The following PDE7A variants were observed in gnomAD, a reference collection of about 807,000 sequenced individuals.
The protein encoded by PDE7A is phosphodiesterase 7A.
A neutral mutation model predicts 64.3 loss-of-function variants in PDE7A; 39 were observed. That is an observed-to-expected ratio of 0.61 (90% CI 0.47 to 0.79). The LOEUF (loss-of-function observed/expected upper bound fraction) is 0.79, where lower values mean the gene tolerates loss of function less well. PDE7A is among the 30% of genes least tolerant of loss of function. The probability of loss-of-function intolerance (pLI) is 0.00; values close to 1 mark genes in which losing one functional copy is unlikely to be tolerated. For synonymous variants in PDE7A, 203 were observed against 206.8 expected (o/e 0.98, Z 0.16); for missense variants, 470 against 582.8 (o/e 0.81, Z 1.99).
At chr8:65,782,169 T>C (rs1296240456) in intron 2 of PDE7A, among the ~76,000 whole-genome samples, 2 of 152,226 alleles carry the variant, frequency 1.3e-5, no homozygotes, top group East Asian at 3.8e-4. Flanking sequence ...AATTTGCCTG[T>C]TGGAATCTTA....
intron 1 of PDE7A, among the ~76,000 whole-genome samples, chr8:65,819,366 C>T (rs1810485683): frequency 6.6e-6 from 1 of 152,222 alleles, no homozygotes; most frequent in Admixed American, 6.5e-5. Context: ...CACTGCACTC[C>T]AGCCTGGGTG....
intron 1 of PDE7A, among the ~76,000 whole-genome samples, chr8:65,801,054 G>A (rs1400444765): frequency 6.6e-6 from 1 of 152,080 alleles, no homozygotes; most frequent in African/African-American, 2.4e-5. Flanking sequence ...ATCAACTCAG[G>A]AGGTTGAGGC....
At chr8:65,814,554 A>G (rs527955173) in intron 1 of PDE7A, among the ~76,000 whole-genome samples, 4 of 150,286 alleles carry the variant, frequency 2.7e-5, no homozygotes, top group Non-Finnish European at 4.4e-5. Context: ...ATATGTGTAT[A>G]TATATAATAC....
chr8:65,724,116 G>A, intron 11 of PDE7A, 139 bp downstream of exon 11: 1 of 571,444 alleles, frequency 1.7e-6, no homozygotes, highest in East Asian at 3.0e-5. Context: ...TTGATTAGAT[G>A]TATATCTATT....
In PDE7A at chr8:65,717,171, G is replaced by A. The variant is rs1351256641; in HGVS notation, c.*2119C>T. The stretch of plus-strand genomic sequence containing the variant: ...TAGAAAACCGAAAATTATGTGGCTT[G>A]GATTCTGTTTCTATTGGACATCAAC... On this transcript the variant is annotated 3_prime_UTR_variant, in exon 13 of 13. Coordinates refer to ENST00000401827, the MANE Select transcript of PDE7A (RefSeq NM_001242318.3). Among the ~76,000 whole-genome samples, 1 of 152,148 alleles carries A rather than the reference G, an allele frequency of 6.6e-6. No individual in the cohort carries two copies. The highest frequency in any genetic ancestry group is 1.5e-5 in the Non-Finnish European group (1 of 68,018).
chr8:65,724,924 G>A lies in PDE7A; in HGVS notation c.921-3C>T. 1 of 1,572,100 alleles carries A rather than the reference G, an allele frequency of 6.4e-7. No homozygotes were observed. Among genetic ancestry groups the A allele is most frequent in the Non-Finnish European group, 8.6e-7 (1 of 1,156,074 alleles). On this transcript the variant is annotated splice_polypyrimidine_tract_variant and splice_region_variant and intron_variant, in intron 9 of 12. Transcript: ENST00000401827. ...CTATCTGTGTCTCCATTTGTTGCCT[G>A]GAAATAGAGAAATATAAAGAGAAAA...
At chr8:65,765,813 G>T (rs1467341567) in intron 3 of PDE7A, 1 of 152,128 alleles carries the variant, frequency 6.6e-6, no homozygotes. Context: ...ATTCTAATGG[G>T]CATGCATAAT....
At chr8:65,719,562 TACA>T in intron 12 of PDE7A, 67 bp from the exon 13 acceptor site, 1 of 1,040,344 alleles carries the variant, frequency 9.6e-7, no homozygotes, top group Non-Finnish European at 1.5e-6. Flanking sequence ...ACATCATCTA[TACA>T]ACATTAACCT....
At chr8:65,798,206 ATT>A (rs1554568896) in intron 1 of PDE7A, among the ~76,000 whole-genome samples, 4 of 73,830 alleles carry the variant, frequency 5.4e-5, no homozygotes, top group Admixed American at 3.1e-4. Flanking sequence ...ATATATATAT[ATT>A]TTTTTTTTTT....
chr8:65,824,004 G>A (rs1004955662), intron 1 of PDE7A, among the ~76,000 whole-genome samples: 2 of 152,058 alleles, frequency 1.3e-5, no homozygotes, highest in East Asian at 3.8e-4. Flanking sequence ...AAAAACAAGA[G>A]CCAATAGAAA....
intron 1 of PDE7A, 103 bp downstream of exon 1, chr8:65,841,268 T>C: frequency 1.6e-6 from 2 of 1,263,430 alleles, no homozygotes; most frequent in South Asian, 4.0e-5. Flanking sequence ...CCCCAGACAA[T>C]GGACAATGCG....
At chr8:65,720,681 G>A (rs1014264599) in intron 12 of PDE7A, 18 of 152,330 alleles carry the variant, frequency 1.2e-4, no homozygotes, top group African/African-American at 3.8e-4. Flanking sequence ...ACTATGCCAC[G>A]GTGGCTGGGT....
Position 65,727,265 on chromosome 8 carries a change from T to C in PDE7A, c.733A>G (p.Ser245Gly), listed in dbSNP as rs2129066769. The change falls in exon 8 of 13, where the codon AGC becomes GGC. Residue 245 changes from serine to glycine, a missense_variant. Transcript: ENST00000401827. ...NSVTPWDILL[S>G]LIAAATHDLD... ...TCATGAGTGGCAGCTGCAATTAAGC[T>C]CAGCAAGATATCCCAAGGAGTTACA... 1 of 1,613,540 alleles carries C rather than the reference T, an allele frequency of 6.2e-7. No homozygotes were observed. The highest frequency in any genetic ancestry group is 2.2e-5 in the East Asian group (1 of 44,870).
intron 1 of PDE7A, among the ~76,000 whole-genome samples, chr8:65,829,412 T>C (rs537061289): frequency 2.0e-5 from 3 of 152,258 alleles, no homozygotes; most frequent in East Asian, 3.9e-4. Context: ...TGAGTGTGTT[T>C]GTACTCTTAA....
At chr8:65,824,719 ATAAAG>A (rs1810627046) in intron 1 of PDE7A, among the ~76,000 whole-genome samples, 4 of 152,228 alleles carry the variant, frequency 2.6e-5, no homozygotes, top group African/African-American at 2.4e-5. Flanking sequence ...TTTTTCAGCA[ATAAAG>A]TATTTTTAAA....
chr8:65,750,431 T>A (rs1807880866), intron 3 of PDE7A, among the ~76,000 whole-genome samples: 1 of 152,028 alleles, frequency 6.6e-6, no homozygotes, highest in East Asian at 1.9e-4. Context: ...GCTGTGTGTG[T>A]GTATTAGGAT....
chr8:65,771,382 A>C (rs1229591924), intron 3 of PDE7A: 1 of 152,610 alleles, frequency 6.6e-6, no homozygotes. Context: ...CATCTAAAAA[A>C]AAATTCAGCA....
At chr8:65,827,066 A>G (rs1252600679) in intron 1 of PDE7A, among the ~76,000 whole-genome samples, 1 of 152,168 alleles carries the variant, frequency 6.6e-6, no homozygotes, top group East Asian at 1.9e-4. Flanking sequence ...AAAGACCCTT[A>G]CTCCAAATAA....
At chr8:65,748,531 G>A (rs1807791008) in intron 3 of PDE7A, among the ~76,000 whole-genome samples, 1 of 152,118 alleles carries the variant, frequency 6.6e-6, no homozygotes, top group Admixed American at 6.6e-5. Flanking sequence ...TGACAGATCT[G>A]GGGTAAAATC....
Sources: gnomAD v4.1 joint callset for allele counts (sites outside exome capture counted in the v4.1 genomes callset) on GRCh38, gnomAD v4.1.1 for gene constraint, MANE v1.5 for transcripts, NCBI Gene and HGNC (gene_info 2026-07-23, HGNC 2026-07-21) for gene names.